The following SPTBN1 variants were observed in gnomAD, a reference collection of about 807,000 sequenced individuals.
SPTBN1 encodes the protein spectrin beta, non-erythrocytic 1, also known as spectrin beta chain, non-erythrocytic 1.
Under a neutral mutation model 266.4 loss-of-function variants are expected in SPTBN1, and 32 were observed. That is an observed-to-expected ratio of 0.12 (90% CI 0.09 to 0.16). The LOEUF is 0.16. Among genes scored for constraint, SPTBN1 ranks in the 10% least tolerant of loss-of-function variants. The probability of loss-of-function intolerance (pLI) is 1.00; values close to 1 mark genes in which losing one functional copy is unlikely to be tolerated. For missense variants in SPTBN1, 2,296 were observed against 3,067.1 expected (o/e 0.75, Z 5.94); for synonymous variants, 1,336 against 1,162.2 (o/e 1.15, Z -3.04).
At chr2:54,479,704 A>G (rs1046803452) in intron 1 of SPTBN1, among the ~76,000 whole-genome samples, 7 of 152,240 alleles carry the variant, frequency 4.6e-5, no homozygotes, top group African/African-American at 9.6e-5. Context: ...ATTAAATGCA[A>G]TAAAACATGT....
intron 1 of SPTBN1, among the ~76,000 whole-genome samples, chr2:54,502,760 C>A (rs1669339486): frequency 6.6e-6 from 1 of 152,126 alleles, no homozygotes; most frequent in Non-Finnish European, 1.5e-5. Flanking sequence ...CATTATTCCT[C>A]TTTTGTAAAG....
chr2:54,507,131 A>T (rs1349738383), intron 1 of SPTBN1, among the ~76,000 whole-genome samples: 8 of 152,132 alleles, frequency 5.3e-5, no homozygotes, highest in Non-Finnish European at 1.5e-5. Flanking sequence ...TACAAAGTAC[A>T]TTGATCGGTT....
Position 54,493,001 on chromosome 2 carries a change from C to CTT in SPTBN1, c.-47-33350_-47-33349dup, listed in dbSNP as rs70944171. On this transcript the variant is annotated intron_variant, in intron 1 of 35. Transcript: ENST00000356805. ...GTTTAGATAGAACTAAATAACATATCTTTTTTTTTTTTTTTTTTTTTTGAG... is the reference window on the plus strand; with the variant it reads ...GTTTAGATAGAACTAAATAACATATCTTTTTTTTTTTTTTTTTTTTTTTTGAG... 9.2e-3 allele frequency among the ~76,000 whole-genome samples: 1,035 copies of CTT among 112,832 alleles called. 31 individuals are homozygous for CTT. Among genetic ancestry groups the CTT allele is most frequent in the African/African-American group, 0.029 (859 of 29,694 alleles). 74.0% of individuals were successfully genotyped at this position (112,832 alleles called of 152,430 possible).
chr2:54,597,678 G>T (rs4519566), intron 2 of SPTBN1, among the ~76,000 whole-genome samples: 1 of 151,892 alleles, frequency 6.6e-6, no homozygotes, highest in Non-Finnish European at 1.5e-5. Flanking sequence ...GGTGGGTGGT[G>T]GAGTGAGTTT....
At chr2:54,481,324 C>G (rs1180564138) in intron 1 of SPTBN1, among the ~76,000 whole-genome samples, 4 of 151,808 alleles carry the variant, frequency 2.6e-5, no homozygotes. Flanking sequence ...TATCAGCAGT[C>G]AACCCTGAAG....
At position 54,658,903 on chromosome 2, in the gene SPTBN1, A is replaced by G. The variant is rs368239605; in HGVS notation, c.6244-251A>G. 3.3e-5 allele frequency among the ~76,000 whole-genome samples: 5 copies of G among 152,294 alleles called. No homozygotes were observed. The East Asian group carries it at 9.6e-4, about 29-fold the overall frequency. On this transcript the variant is annotated intron_variant, in intron 30 of 35. Transcript: ENST00000356805. Reference sequence around the variant, plus strand: ...ATAGTTACTTTAGAAATTAAACCCAAGCTCCCAGGGGTCCTACAAACAACT... The same window carrying G: ...ATAGTTACTTTAGAAATTAAACCCAGGCTCCCAGGGGTCCTACAAACAACT...
Position 54,668,801 on chromosome 2 carries a change from T to G in SPTBN1, c.*232T>G. The stretch of plus-strand genomic sequence containing the variant: ...AGGGAAGGCCAGATTTTTTTTTTAA[T>G]GAAATTATATAGATTAGATCTCAGT... On this transcript the variant is annotated 3_prime_UTR_variant, in exon 36 of 36. Coordinates refer to ENST00000356805, the MANE Select transcript of SPTBN1 (RefSeq NM_003128.3). 1 of 504,472 alleles carries G rather than the reference T, an allele frequency of 2.0e-6. No homozygotes were observed. 31.2% of individuals were successfully genotyped at this position (504,472 alleles called of 1,614,324 possible). A position where few individuals can be genotyped will look rare whatever the true frequency, so the allele number is the denominator to read the frequency against.
chr2:54,600,154 G>T (rs920342757), intron 3 of SPTBN1, among the ~76,000 whole-genome samples: 1 of 152,232 alleles, frequency 6.6e-6, no homozygotes, highest in African/African-American at 2.4e-5. Flanking sequence ...CAGTAGGCCT[G>T]TGTGCAGACC....
chr2:54,493,375 T>C (rs1230918064), intron 1 of SPTBN1, among the ~76,000 whole-genome samples: 2 of 150,682 alleles, frequency 1.3e-5, no homozygotes, highest in Non-Finnish European at 3.0e-5. Flanking sequence ...CTCTTACATA[T>C]ATATTCTATA....
chr2:54,589,970 A>G (rs1558874386), intron 2 of SPTBN1, among the ~76,000 whole-genome samples: 1 of 152,254 alleles, frequency 6.6e-6, no homozygotes, highest in Non-Finnish European at 1.5e-5. Flanking sequence ...TAAAGTTGCA[A>G]CAAATTAAGT....
intron 1 of SPTBN1, among the ~76,000 whole-genome samples, chr2:54,524,970 C>G (rs1245440636): frequency 2.6e-5 from 4 of 152,064 alleles, no homozygotes; most frequent in Admixed American, 2.6e-4. Context: ...TTTAAACTAT[C>G]TTGCCTTTTC....
intron 2 of SPTBN1, among the ~76,000 whole-genome samples, chr2:54,552,240 C>G (rs933589840): frequency 1.3e-5 from 2 of 152,170 alleles, no homozygotes; most frequent in Non-Finnish European, 2.9e-5. Flanking sequence ...TTTGAAATTT[C>G]TCCTATGAGG....
Position 54,506,894 on chromosome 2 carries a change from C to CTTTTTTTTTTT in SPTBN1, c.-47-19474_-47-19464dup, listed in dbSNP as rs779582626. Reference sequence around the variant, plus strand: ...AGTTTAGGTTGATCTGGTTCTCTCTCTTTTTTTTTTTTTTGAGCAACAAGA... The same window carrying CTTTTTTTTTTT: ...AGTTTAGGTTGATCTGGTTCTCTCTCTTTTTTTTTTTTTTTTTTTTTTTTTGAGCAACAAGA... On this transcript the variant is annotated intron_variant, in intron 1 of 35. Transcript: ENST00000356805. Among the ~76,000 whole-genome samples, 6 of 133,504 alleles carry CTTTTTTTTTTT rather than the reference C, an allele frequency of 4.5e-5. 1 individual carries two copies. The highest frequency in any genetic ancestry group is 4.7e-5 in the Non-Finnish European group (3 of 64,162). The allele number at this position is 133,504 out of a possible 152,430, so 87.6% of individuals were successfully genotyped here. A position where few individuals can be genotyped will look rare whatever the true frequency, so the allele number is the denominator to read the frequency against.
chr2:54,550,037 G>C (rs541668580), intron 2 of SPTBN1, among the ~76,000 whole-genome samples: 11 of 152,286 alleles, frequency 7.2e-5, no homozygotes, highest in Non-Finnish European at 1.2e-4. Context: ...CCTACCCCTT[G>C]GGACTTATCT....
chr2:54,646,698 C>T lies in SPTBN1; in HGVS notation c.4866+223C>T, dbSNP rs1368710922. Among the ~76,000 whole-genome samples, 1 of 152,186 alleles carries T rather than the reference C, an allele frequency of 6.6e-6. No homozygotes were observed. Among genetic ancestry groups the T allele is most frequent in the Non-Finnish European group, 1.5e-5 (1 of 68,036 alleles). Reference sequence around the variant, plus strand: ...AGTGTGCCATTAAGAACAGGTTCATCCTTTCATCTTTGAAATATGCCAGAG... The same window carrying T: ...AGTGTGCCATTAAGAACAGGTTCATTCTTTCATCTTTGAAATATGCCAGAG... On this transcript the variant is annotated intron_variant, in intron 23 of 35. Coordinates refer to ENST00000356805, the MANE Select transcript of SPTBN1 (RefSeq NM_003128.3). This position sits in a 1 kb window ranked among gnomAD's most constrained non-coding sequence, Gnocchi z 4.4.
At chr2:54,493,924 C>T (rs1218788794) in intron 1 of SPTBN1, among the ~76,000 whole-genome samples, 1 of 152,196 alleles carries the variant, frequency 6.6e-6, no homozygotes, top group Non-Finnish European at 1.5e-5. Flanking sequence ...TCCCCAAAGT[C>T]ACGTGAGTGG....
intron 1 of SPTBN1, among the ~76,000 whole-genome samples, chr2:54,506,798 T>A (rs1669583984): frequency 6.6e-6 from 1 of 151,622 alleles, no homozygotes; most frequent in Admixed American, 6.6e-5. Flanking sequence ...AACAAACCAG[T>A]AGGAACATAG....
intron 2 of SPTBN1, among the ~76,000 whole-genome samples, chr2:54,535,601 A>G (rs1238610045): frequency 6.6e-6 from 1 of 152,172 alleles, no homozygotes; most frequent in Non-Finnish European, 1.5e-5. Context: ...CTGCTCTCTT[A>G]GATAAGTAAT....
intron 2 of SPTBN1, among the ~76,000 whole-genome samples, chr2:54,556,711 A>G (rs1237356600): frequency 6.6e-6 from 1 of 151,836 alleles, no homozygotes; most frequent in African/African-American, 2.4e-5. Context: ...GCGGGGGGTG[A>G]TGAAAGGAGG....
Sources: allele counts gnomAD v4.1 joint callset (sites outside exome capture counted in the v4.1 genomes callset), GRCh38; gene constraint gnomAD v4.1.1; non-coding constraint Gnocchi (gnomAD v3.1); transcripts MANE v1.5; gene names NCBI Gene and HGNC (gene_info 2026-07-23, HGNC 2026-07-21).